CEP44: variants seen among roughly 807,000 people sequenced by gnomAD.
CEP44 encodes centrosomal protein of 44 kDa.
In CEP44, 45 loss-of-function variants were observed where a neutral mutation model predicts 46.7. The observed-to-expected ratio is 0.96, with a 90% CI of 0.76 to 1.24. CEP44 has a LOEUF of 1.24. Ranked by LOEUF, CEP44 falls within the 50% of genes most tolerant of loss-of-function variation. The probability of loss-of-function intolerance (pLI) is 0.00; values close to 1 mark genes in which losing one functional copy is unlikely to be tolerated. For synonymous variants in CEP44, 142 were observed against 146.0 expected, an observed-to-expected ratio of 0.97 and a Z score of 0.20; for missense variants, 475 against 459.7, an observed-to-expected ratio of 1.03 and a Z score of -0.30.
chr4:174,285,554 A>C (rs1459137532), intron 1 of CEP44: 1 of 152,206 alleles, frequency 6.6e-6, no homozygotes, highest in Non-Finnish European at 1.5e-5. Context: ...AATGTTTTCC[A>C]AAATGTCAGA....
In CEP44 at chr4:174,320,004, C is replaced by G; in HGVS notation, c.*2621C>G. 1 of 985,240 alleles carries G rather than the reference C, an allele frequency of 1.0e-6. No individual in the cohort carries two copies. Among genetic ancestry groups the G allele is most frequent in the Non-Finnish European group, 1.2e-6 (1 of 829,834 alleles). The allele number at this position is 985,240 out of a possible 1,614,324, so 61.0% of individuals were successfully genotyped here. A position where few individuals can be genotyped will look rare whatever the true frequency, so the allele number is the denominator to read the frequency against. On this transcript the variant is annotated 3_prime_UTR_variant, in exon 12 of 12. Transcript: ENST00000503780. Reference sequence around the variant, plus strand: ...AACCCTAAGTTAAGTAAAATTTTCACTTTCATTCTTTTCATTCTCTCATAA... The same window carrying G: ...AACCCTAAGTTAAGTAAAATTTTCAGTTTCATTCTTTTCATTCTCTCATAA...
chr4:174,287,807 G>T lies in CEP44; in HGVS notation c.-148+3864G>T, dbSNP rs1737733828. 6.6e-6 allele frequency among the ~76,000 whole-genome samples: 1 copy of T among 152,130 alleles called. No individual in the cohort carries two copies. Among genetic ancestry groups the T allele is most frequent in the Non-Finnish European group, 1.5e-5 (1 of 68,006 alleles). On this transcript the variant is annotated intron_variant, in intron 1 of 11. Coordinates refer to ENST00000503780, the MANE Select transcript of CEP44 (RefSeq NM_001040157.3). The surrounding 1 kb of genome is among the most constrained non-coding windows in gnomAD (Gnocchi z 5.1). The stretch of plus-strand genomic sequence containing the variant: ...ATAAGTGTTTTGCAGTAACCTTTTT[G>T]TTTCTATAATTTCATGGTAAGAAAG...
chr4:174,291,425 C>T (rs1738183936), intron 1 of CEP44, among the ~76,000 whole-genome samples: 1 of 152,092 alleles, frequency 6.6e-6, no homozygotes, highest in South Asian at 2.1e-4. Flanking sequence ...TCTTCCTCAC[C>T]AATGTATGTA....
At position 174,308,515 on chromosome 4, in the gene CEP44, A is replaced by G. The variant is rs191471386; in HGVS notation, c.508-174A>G. ...GGAGGAGGTTCAGGAAAAATAACCAATGGGTACTAGGCTTAATACCTGGGT... is the reference window on the plus strand; with the variant it reads ...GGAGGAGGTTCAGGAAAAATAACCAGTGGGTACTAGGCTTAATACCTGGGT... On this transcript the variant is annotated intron_variant, in intron 6 of 11. Coordinates refer to ENST00000503780, the MANE Select transcript of CEP44 (RefSeq NM_001040157.3). Among the ~76,000 whole-genome samples, 12 of 152,176 alleles carry G rather than the reference A, an allele frequency of 7.9e-5. No homozygotes were observed. In the South Asian group the frequency reaches 8.3e-4, roughly 11 times the overall value.
rs147850394 is a variant in CEP44, at chr4:174,284,441, C to T, written c.-148+498C>T. 2.5e-3 allele frequency among the ~76,000 whole-genome samples: 387 copies of T among 152,314 alleles called. 3 individuals carry two copies. Among genetic ancestry groups the T allele is most frequent in the African/African-American group, 8.4e-3 (349 of 41,558 alleles). On this transcript the variant is annotated intron_variant, in intron 1 of 11. Coordinates refer to ENST00000503780, the MANE Select transcript of CEP44 (RefSeq NM_001040157.3). Reference sequence around the variant, plus strand: ...TCTGGGGTGAGGATACAAACGGCTCCTGACTATAAGGAAGACAGGACAGCA... The same window carrying T: ...TCTGGGGTGAGGATACAAACGGCTCTTGACTATAAGGAAGACAGGACAGCA...
At chr4:174,289,931 C>T (rs989031159) in intron 1 of CEP44, among the ~76,000 whole-genome samples, 4 of 151,866 alleles carry the variant, frequency 2.6e-5, no homozygotes, top group Middle Eastern at 3.4e-3. Context: ...CTCCGCCTCC[C>T]GGGTTCAAGT....
rs1399700015 is a variant in CEP44, at chr4:174,286,293, T to C, written c.-148+2350T>C. ...AATCGGTGACCTTCTTACCTTTCCT[T>C]ATTTAAAGATAGAGAAACGGTGTGT... On this transcript the variant is annotated intron_variant, in intron 1 of 11. Transcript: ENST00000503780. This position sits in a 1 kb window ranked among gnomAD's most constrained non-coding sequence, Gnocchi z 5.2. Among the ~76,000 whole-genome samples, 1 of 152,192 alleles carries C rather than the reference T, an allele frequency of 6.6e-6. No homozygotes were observed. The highest frequency in any genetic ancestry group is 1.5e-5 in the Non-Finnish European group (1 of 68,034).
exon 9 of CEP44, chr4:174,332,894 G>A (rs931235165): frequency 4.6e-5 from 7 of 152,134 alleles, no homozygotes; most frequent in African/African-American, 1.4e-4. Context: ...GGGTTTGAGG[G>A]CTAGAAAACG....
Position 174,329,636 on chromosome 4 carries a change from A to G in CEP44, c.1087-1846A>G, listed in dbSNP as rs1273829742. Among the ~76,000 whole-genome samples the G allele has an allele frequency of 1.3e-5, 2 of 152,200 alleles. No individual in the cohort carries two copies. Among genetic ancestry groups the G allele is most frequent in the Non-Finnish European group, 2.9e-5 (2 of 68,018 alleles). ...TAAAAATGTTATGCTTTGAGAAACC[A>G]AAGGGGAAAAGTTCAAAAGGTACTT... On this transcript the variant is annotated intron_variant, in intron 8 of 8. Coordinates refer to the CEP44 transcript ENST00000426172. This position sits in a 1 kb window ranked among gnomAD's most constrained non-coding sequence, Gnocchi z 4.0.
In CEP44 at chr4:174,318,806, TG is replaced by T. The variant is rs985202831; in HGVS notation, c.*1424del. The stretch of plus-strand genomic sequence containing the variant: ...TAAGAAAACATTTTTAGAATTCCTT[TG>T]TTTTTTTTTTTTTTCTTTTTGAAAC... On this transcript the variant is annotated 3_prime_UTR_variant, in exon 12 of 12. Coordinates refer to ENST00000503780, the MANE Select transcript of CEP44 (RefSeq NM_001040157.3). 6.8e-6 allele frequency: 5 copies of T among 733,310 alleles called. No individual in the cohort carries two copies. In the African/African-American group the frequency reaches 7.7e-5, roughly 11 times the overall value. The allele number at this position is 733,310 out of a possible 1,614,324, so 45.4% of individuals were successfully genotyped here. A position where few individuals can be genotyped will look rare whatever the true frequency, so the allele number is the denominator to read the frequency against.
exon 9 of CEP44, chr4:174,332,919 TCTAA>T (rs1415531560): frequency 7.9e-5 from 12 of 152,168 alleles, no homozygotes; most frequent in African/African-American, 1.4e-4. Flanking sequence ...GACATTCCTT[TCTAA>T]CTAACACATT....
chr4:174,304,194 T>A, intron 5 of CEP44, 53 bp from the exon 6 acceptor site: 1 of 1,533,542 alleles, frequency 6.5e-7, no homozygotes, highest in East Asian at 2.3e-5. Context: ...TTTTAATATA[T>A]AATTATGCTT....
chr4:174,299,165 A>G lies in CEP44; in HGVS notation c.44A>G (p.Gln15Arg), dbSNP rs1436155316. The G allele has an allele frequency of 2.5e-6, 4 of 1,613,838 alleles. No homozygotes were observed. Among genetic ancestry groups the G allele is most frequent in the Non-Finnish European group, 1.7e-6 (2 of 1,179,762 alleles). The change falls in exon 3 of 12, where the codon CAG (glutamine) becomes CGG (arginine). Residue 15 changes from glutamine to arginine, a missense_variant. Physicochemically the swap from Gln to Arg is conservative, Grantham distance 43. Transcript: ENST00000503780. ...AAAAGAAGCTTACGGAACCTAGAAC[A>G]GGTGCTCCGCTTGCTAAATTATCCT... ...DLKRSLRNLE[Q>R]VLRLLNYPEE... is the part of the protein sequence containing the mutation.
In CEP44 at chr4:174,294,189, G is replaced by A. The variant is rs527510715; in HGVS notation, c.-147-3777G>A. On this transcript the variant is annotated intron_variant, in intron 1 of 11. Coordinates refer to ENST00000503780, the MANE Select transcript of CEP44 (RefSeq NM_001040157.3). ...GGTTTTCCTATGCAGAGGACCCTGC[G>A]GCCTTCCGCAGTGTTTGTGTCCCTG... Among the ~76,000 whole-genome samples the A allele has an allele frequency of 1.6e-3, 246 of 151,076 alleles. 1 individual carries two copies. Among genetic ancestry groups the A allele is most frequent in the African/African-American group, 5.6e-3 (229 of 41,204 alleles).
chr4:174,330,227 G>A (rs963099079), intron 8 of CEP44, among the ~76,000 whole-genome samples: 2 of 151,930 alleles, frequency 1.3e-5, no homozygotes, highest in South Asian at 2.1e-4. Flanking sequence ...AGTGGCTCAC[G>A]CCTGTAATCC....
rs1044208284 is a variant in CEP44, at chr4:174,290,332, C to T, written c.-148+6389C>T. Among the ~76,000 whole-genome samples, 9 of 151,584 alleles carry T rather than the reference C, an allele frequency of 5.9e-5. 1 individual carries two copies. The highest frequency in any genetic ancestry group is 2.6e-4 in the Admixed American group (4 of 15,190). ...TTTAATAGTATGTTATTTAATTCCCCTGTATTTGTGAATTTTTCCATTTTC... is the reference window on the plus strand; with the variant it reads ...TTTAATAGTATGTTATTTAATTCCCTTGTATTTGTGAATTTTTCCATTTTC... On this transcript the variant is annotated intron_variant, in intron 1 of 11. Transcript: ENST00000503780. This position sits in a 1 kb window ranked among gnomAD's most constrained non-coding sequence, Gnocchi z 4.3.
chr4:174,298,262 G>A lies in CEP44; in HGVS notation c.-51+200G>A, dbSNP rs1231007609. On this transcript the variant is annotated intron_variant, in intron 2 of 11. Transcript: ENST00000503780. ...GGGATCTCGGCTCACTGCAAGCTCCGCCTCCCGGGTTCACGCCATTCTCCT... is the reference window on the plus strand; with the variant it reads ...GGGATCTCGGCTCACTGCAAGCTCCACCTCCCGGGTTCACGCCATTCTCCT... Among the ~76,000 whole-genome samples the A allele has an allele frequency of 1.2e-4, 15 of 130,262 alleles. No individual in the cohort carries two copies. The South Asian group carries it at 1.3e-3, about 11-fold the overall frequency. The allele number at this position is 130,262 out of a possible 152,430, so 85.5% of individuals were successfully genotyped here.
chr4:174,296,070 T>A (rs1738973331), intron 1 of CEP44, among the ~76,000 whole-genome samples: 1 of 152,218 alleles, frequency 6.6e-6, no homozygotes, highest in Non-Finnish European at 1.5e-5. Flanking sequence ...CTTGCTTTAG[T>A]ATAGAATTCA....
chr4:174,321,771 G>T (rs1742334892), downstream of CEP44, among the ~76,000 whole-genome samples: 1 of 152,050 alleles, frequency 6.6e-6, no homozygotes, highest in African/African-American at 2.4e-5. Flanking sequence ...AAAATCATTT[G>T]TCAAGGAAAT....
Sources: gnomAD v4.1 joint callset for allele counts (sites outside exome capture counted in the v4.1 genomes callset) on GRCh38, gnomAD v4.1.1 for gene constraint, Gnocchi (gnomAD v3.1) non-coding constraint, MANE v1.5 for transcripts, NCBI Gene and HGNC (gene_info 2026-07-23, HGNC 2026-07-21) for gene names.